The following FRMD4A variants were observed in gnomAD, a reference collection of about 807,000 sequenced individuals.
The protein encoded by FRMD4A is FERM domain-containing protein 4A.
FRMD4A carries 29 observed loss-of-function variants against 129.1 expected under a neutral mutation model. That is an observed-to-expected ratio of 0.22 (90% CI 0.17 to 0.31). The LOEUF (loss-of-function observed/expected upper bound fraction) is 0.31, where lower values mean the gene tolerates loss of function less well. Ranked by LOEUF, FRMD4A falls within the 10% of genes least tolerant of loss-of-function variation. FRMD4A has a pLI of 1.00. For synonymous variants in FRMD4A, 634 were observed against 571.6 expected (o/e 1.11, Z -1.56); for missense variants, 1,272 against 1,375.8 (o/e 0.92, Z 1.19).
intron 2 of FRMD4A, among the ~76,000 whole-genome samples, chr10:14,114,580 G>A (rs1838100975): frequency 2.0e-5 from 3 of 152,202 alleles, no homozygotes; most frequent in Non-Finnish European, 2.9e-5. Flanking sequence ...AATGACCACT[G>A]CAAATTTGAC....
intron 2 of FRMD4A, among the ~76,000 whole-genome samples, chr10:13,963,796 A>G (rs2095463712): frequency 6.6e-6 from 1 of 152,126 alleles, no homozygotes; most frequent in Non-Finnish European, 1.5e-5. Context: ...AGTGTGTGAG[A>G]AATTCAGTAT....
intron 3 of FRMD4A, among the ~76,000 whole-genome samples, chr10:13,841,980 G>GCAC (rs1343536598): frequency 2.0e-5 from 3 of 152,068 alleles, no homozygotes; most frequent in Non-Finnish European, 4.4e-5. Context: ...TGCCAGAATT[G>GCAC]CACCGCGATA....
At chr10:14,128,649 C>T (rs536464394) in intron 2 of FRMD4A, among the ~76,000 whole-genome samples, 69 of 152,270 alleles carry the variant, frequency 4.5e-4, no homozygotes, top group African/African-American at 1.5e-3. Flanking sequence ...CCCAACTCAG[C>T]GGGCCGTATG....
intron 2 of FRMD4A, among the ~76,000 whole-genome samples, chr10:14,277,102 C>T (rs1845368404): frequency 6.6e-6 from 1 of 152,106 alleles, no homozygotes; most frequent in Admixed American, 6.5e-5. Flanking sequence ...TGGATTTGAG[C>T]AATCCTCCTC....
chr10:14,307,045 T>C (rs917557152), intron 2 of FRMD4A, among the ~76,000 whole-genome samples: 3 of 152,240 alleles, frequency 2.0e-5, no homozygotes, highest in South Asian at 2.1e-4. Context: ...TGCAACTACA[T>C]TGATGACAGG....
chr10:13,971,461 G>T (rs1187606416), intron 2 of FRMD4A, among the ~76,000 whole-genome samples: 2 of 152,168 alleles, frequency 1.3e-5, no homozygotes, highest in African/African-American at 2.4e-5. Context: ...TGTTTACGGT[G>T]CACTTCACGT....
At chr10:13,679,474 T>TATATATATACACAC (rs1308155926) in intron 15 of FRMD4A, among the ~76,000 whole-genome samples, 2 of 31,490 alleles carry the variant, frequency 6.4e-5, no homozygotes, top group African/African-American at 2.7e-4. Context: ...TATATATATA[T>TATATATATACACAC]ACACACACAC....
chr10:13,871,669 A>G (rs1365519009), intron 2 of FRMD4A, among the ~76,000 whole-genome samples: 1 of 152,148 alleles, frequency 6.6e-6, no homozygotes, highest in Non-Finnish European at 1.5e-5. Flanking sequence ...CCTTCTCCAG[A>G]CCTGGCCTGC....
intron 2 of FRMD4A, among the ~76,000 whole-genome samples, chr10:14,201,172 C>T (rs183179845): frequency 6.6e-6 from 1 of 152,314 alleles, no homozygotes; most frequent in Non-Finnish European, 1.5e-5. Flanking sequence ...TTGCAGCTCA[C>T]GGGGATCTTC....
At chr10:14,206,440 T>A (rs555963770) in intron 2 of FRMD4A, among the ~76,000 whole-genome samples, 2 of 152,322 alleles carry the variant, frequency 1.3e-5, no homozygotes, top group South Asian at 4.1e-4. Context: ...TTCCTTTTAT[T>A]CTTTATTTCT....
At chr10:14,164,811 G>C (rs904277590) in intron 2 of FRMD4A, among the ~76,000 whole-genome samples, 1 of 152,144 alleles carries the variant, frequency 6.6e-6, no homozygotes, top group African/African-American at 2.4e-5. Flanking sequence ...TGCAACCCAC[G>C]ATGGCTTTGA....
chr10:14,048,603 C>G (rs941599282), intron 2 of FRMD4A, among the ~76,000 whole-genome samples: 1 of 151,914 alleles, frequency 6.6e-6, no homozygotes, highest in South Asian at 2.1e-4. Flanking sequence ...GTCAGGAGTA[C>G]AAGACCAGCC....
intron 3 of FRMD4A, among the ~76,000 whole-genome samples, chr10:13,840,985 G>A (rs930103095): frequency 2.0e-5 from 3 of 151,958 alleles, no homozygotes; most frequent in African/African-American, 7.3e-5. Context: ...GTGCATGTCT[G>A]CCGTCCAAGC....
chr10:13,759,060 C>T (rs2091967370), intron 8 of FRMD4A, among the ~76,000 whole-genome samples: 1 of 152,148 alleles, frequency 6.6e-6, no homozygotes, highest in Non-Finnish European at 1.5e-5. Flanking sequence ...GATGGCTTTA[C>T]TAGCATGGGC....
At chr10:13,761,740 T>C (rs2092082407) in intron 7 of FRMD4A, 71 bp from the exon 8 acceptor site, 4 of 1,010,480 alleles carry the variant, frequency 4.0e-6, no homozygotes, top group Non-Finnish European at 4.6e-6. Context: ...GTACATTCTA[T>C]AATCATGAGA....
At position 13,821,187 on chromosome 10, in the gene FRMD4A, A is replaced by G. The variant is rs907692172; in HGVS notation, c.112-10279T>C. Among the ~76,000 whole-genome samples, 1 of 152,058 alleles carries G rather than the reference A, an allele frequency of 6.6e-6. No individual in the cohort carries two copies. Among genetic ancestry groups the G allele is most frequent in the Non-Finnish European group, 1.5e-5 (1 of 67,988 alleles). On this transcript the variant is annotated intron_variant, in intron 3 of 24. Coordinates refer to ENST00000357447, the MANE Select transcript of FRMD4A (RefSeq NM_018027.5). This position sits in a 1 kb window ranked among gnomAD's most constrained non-coding sequence, Gnocchi z 4.3. ...CAGCTCTGTCCACTGTGTGGCCAGC[A>G]GGTCTGGGCGGCGACTCCCCTCCTT...
chr10:13,740,823 G>GTTTTTTTTTTT (rs369798483), intron 9 of FRMD4A, among the ~76,000 whole-genome samples: 5 of 105,108 alleles, frequency 4.8e-5, no homozygotes, highest in African/African-American at 7.9e-5. Flanking sequence ...TGTCTTGGAT[G>GTTTTTTTTTTT]TTTGTTTTTT....
At chr10:13,761,815 C>T in intron 7 of FRMD4A, 146 bp from the exon 8 acceptor site, 3 of 626,604 alleles carry the variant, frequency 4.8e-6, no homozygotes, top group Non-Finnish European at 8.6e-6. Context: ...TGCAGGAATA[C>T]AATTAAAACT....
At chr10:14,308,724 A>G (rs909685354) in intron 2 of FRMD4A, among the ~76,000 whole-genome samples, 24 of 152,194 alleles carry the variant, frequency 1.6e-4, no homozygotes, top group African/African-American at 5.3e-4. Flanking sequence ...TTGTTTGAAA[A>G]CAATGTCCTG....
Sources: gnomAD v4.1 joint callset for allele counts (sites outside exome capture counted in the v4.1 genomes callset) on GRCh38, gnomAD v4.1.1 for gene constraint, Gnocchi (gnomAD v3.1) non-coding constraint, MANE v1.5 for transcripts, NCBI Gene and HGNC (gene_info 2026-07-23, HGNC 2026-07-21) for gene names.